The following RBFOX1 variants were observed in gnomAD, a reference collection of about 807,000 sequenced individuals.
The protein encoded by RBFOX1 is RNA binding fox-1 homolog 1.
RBFOX1 carries 8 observed loss-of-function variants against 57.7 expected under a neutral mutation model. The ratio of observed to expected loss-of-function variants is 0.14; its 90% CI spans 0.08 to 0.25. The LOEUF (loss-of-function observed/expected upper bound fraction) is 0.25, where lower values mean the gene tolerates loss of function less well. Ranked by LOEUF, RBFOX1 falls within the 10% of genes least tolerant of loss-of-function variation. The probability of loss-of-function intolerance (pLI) is 1.00; values close to 1 mark genes in which losing one functional copy is unlikely to be tolerated. For missense variants in RBFOX1, 611 were observed against 548.5 expected, an observed-to-expected ratio of 1.11 and a Z score of -1.14; for synonymous variants, 326 against 222.4, an observed-to-expected ratio of 1.47 and a Z score of -4.15.
At chr16:6,444,354 C>A (rs1324191620) in intron 2 of RBFOX1, among the ~76,000 whole-genome samples, 2 of 152,112 alleles carry the variant, frequency 1.3e-5, no homozygotes, top group Non-Finnish European at 2.9e-5. Context: ...TGTGACCCCA[C>A]CCAAATCTCA....
chr16:7,029,699 C>G (rs2042297415), intron 3 of RBFOX1, among the ~76,000 whole-genome samples: 1 of 152,100 alleles, frequency 6.6e-6, no homozygotes, highest in Admixed American at 6.5e-5. Context: ...AGCTGGGAGA[C>G]TCTATAATTA....
At chr16:6,920,527 C>G (rs2881229) in intron 3 of RBFOX1, among the ~76,000 whole-genome samples, 35,903 of 152,160 alleles carry the variant, frequency 0.24, 4,471 homozygotes, top group Middle Eastern at 0.3. Flanking sequence ...GCTACCATAA[C>G]AAATGACCAG....
At chr16:5,524,323 A>T (rs960819237) in intron 2 of RBFOX1, among the ~76,000 whole-genome samples, 1 of 152,070 alleles carries the variant, frequency 6.6e-6, no homozygotes, top group Non-Finnish European at 1.5e-5. Flanking sequence ...TCCCCATTCA[A>T]CCTTTATTCT....
intron 2 of RBFOX1, among the ~76,000 whole-genome samples, chr16:6,623,060 C>A (rs775192231): frequency 3.3e-5 from 5 of 152,112 alleles, no homozygotes; most frequent in Non-Finnish European, 7.3e-5. Flanking sequence ...AGTCCGCCAT[C>A]GACATATATT....
intron 4 of RBFOX1, among the ~76,000 whole-genome samples, chr16:7,220,134 C>T (rs55986101): frequency 0.064 from 9,737 of 152,258 alleles, 352 homozygotes; most frequent in South Asian, 0.086. Context: ...ATTGTCCTAG[C>T]ACCCATCTCC....
At chr16:6,483,098 G>C (rs963539144) in intron 2 of RBFOX1, 6 of 1,009,766 alleles carry the variant, frequency 5.9e-6, no homozygotes, top group South Asian at 8.2e-5. Flanking sequence ...CGTAGGGGCG[G>C]GACCCACGCA....
chr16:7,299,149 G>C (rs778305332), intron 4 of RBFOX1, among the ~76,000 whole-genome samples: 3 of 152,166 alleles, frequency 2.0e-5, no homozygotes, highest in Non-Finnish European at 2.9e-5. Context: ...TACCAGTTTT[G>C]ACTCCCACCA....
chr16:7,096,088 C>A (rs2061649476), intron 4 of RBFOX1, among the ~76,000 whole-genome samples: 1 of 151,644 alleles, frequency 6.6e-6, no homozygotes, highest in African/African-American at 2.4e-5. Flanking sequence ...ATTGTGTGTG[C>A]TAAGTTCTGA....
intron 3 of RBFOX1, among the ~76,000 whole-genome samples, chr16:5,834,577 C>CATAGATAG (rs141276552): frequency 0.081 from 11,909 of 147,376 alleles, 513 homozygotes; most frequent in South Asian, 0.11. Flanking sequence ...GTGCATGTGT[C>CATAGATAG]ATAGATAGAT....
intron 6 of RBFOX1, among the ~76,000 whole-genome samples, chr16:7,585,281 G>A (rs2094041833): frequency 6.6e-6 from 1 of 152,138 alleles, no homozygotes; most frequent in Non-Finnish European, 1.5e-5. Context: ...CAATCTGAAT[G>A]TTTTCTTCTA....
intron 4 of RBFOX1, among the ~76,000 whole-genome samples, chr16:7,445,247 A>G (rs983934215): frequency 6.6e-6 from 1 of 152,166 alleles, no homozygotes; most frequent in Non-Finnish European, 1.5e-5. Flanking sequence ...GAACAGTGGA[A>G]AGAAATTAAT....
In RBFOX1 at chr16:7,240,254, G is replaced by T. The variant is rs543536385; in HGVS notation, c.27+188156G>T. 4.0e-4 allele frequency among the ~76,000 whole-genome samples: 61 copies of T among 151,994 alleles called. 4 individuals are homozygous for T. The highest frequency in any genetic ancestry group is 1.5e-5 in the Non-Finnish European group (1 of 67,982). On this transcript the variant is annotated intron_variant, in intron 4 of 15. Transcript: ENST00000550418. ...ACTGCTGGGATTACAGGTATGAGCCGATGCATCCTGCCGAATCTATAAGAT... is the reference window on the plus strand; with the variant it reads ...ACTGCTGGGATTACAGGTATGAGCCTATGCATCCTGCCGAATCTATAAGAT...
intron 3 of RBFOX1, among the ~76,000 whole-genome samples, chr16:5,816,506 T>C (rs1479848951): frequency 6.6e-6 from 1 of 152,138 alleles, no homozygotes; most frequent in African/African-American, 2.4e-5. Flanking sequence ...GAAGCTCCTT[T>C]CTCAATTATT....
Position 7,478,840 on chromosome 16 carries a change from C to A in RBFOX1, c.28-39307C>A, listed in dbSNP as rs961631073. Among the ~76,000 whole-genome samples, 18 of 152,136 alleles carry A rather than the reference C, an allele frequency of 1.2e-4. 1 individual carries two copies. The highest frequency in any genetic ancestry group is 4.3e-4 in the African/African-American group (18 of 41,442). ...AATACCCTGAGGATGTAGAAAACCT[C>A]CTTTGCTTGAGTCGAGCGCCTTGAA... On this transcript the variant is annotated intron_variant, in intron 4 of 15. Transcript: ENST00000550418.
intron 4 of RBFOX1, among the ~76,000 whole-genome samples, chr16:7,248,277 C>G (rs2094384090): frequency 6.6e-6 from 1 of 152,174 alleles, no homozygotes; most frequent in African/African-American, 2.4e-5. Flanking sequence ...TTTGCAAATT[C>G]TTGCTGCCTT....
At chr16:5,432,082 C>A (rs2067756218) in intron 1 of RBFOX1, among the ~76,000 whole-genome samples, 1 of 152,180 alleles carries the variant, frequency 6.6e-6, no homozygotes, top group East Asian at 1.9e-4. Context: ...ACTGCACAGC[C>A]CTGAGACTTT....
At chr16:5,528,762 G>A (rs188951042) in intron 2 of RBFOX1, among the ~76,000 whole-genome samples, 1 of 151,700 alleles carries the variant, frequency 6.6e-6, no homozygotes, top group Non-Finnish European at 1.5e-5. Context: ...CGATTCTCCT[G>A]CCTCAGCCTC....
At chr16:6,067,239 C>G (rs181437095) in intron 1 of RBFOX1, among the ~76,000 whole-genome samples, 132 of 152,298 alleles carry the variant, frequency 8.7e-4, no homozygotes, top group African/African-American at 3.0e-3. Context: ...AAAGTCTACA[C>G]ACAGAAGTTA....
intron 14 of RBFOX1, among the ~76,000 whole-genome samples, chr16:7,693,901 T>C (rs2147645721): frequency 6.6e-6 from 1 of 152,314 alleles, no homozygotes; most frequent in East Asian, 1.9e-4. Flanking sequence ...CTATTTCCTT[T>C]CTTATAAAAC....
Sources: allele counts gnomAD v4.1 joint callset (sites outside exome capture counted in the v4.1 genomes callset), GRCh38; gene constraint gnomAD v4.1.1; transcripts MANE v1.5; gene names NCBI Gene and HGNC (gene_info 2026-07-23, HGNC 2026-07-21).